Variants in TAOK3 observed in about 807,000 individuals in gnomAD.
The protein encoded by TAOK3 is TAO kinase 3.
TAOK3 carries 40 observed loss-of-function variants against 120.4 expected under a neutral mutation model. That is an observed-to-expected ratio of 0.33 (90% CI 0.26 to 0.43). The LOEUF (loss-of-function observed/expected upper bound fraction) is 0.43, where lower values mean the gene tolerates loss of function less well. Ranked by LOEUF, TAOK3 falls within the 20% of genes least tolerant of loss-of-function variation. The pLI is 1.00. For missense variants in TAOK3, 821 were observed against 1,112.1 expected (o/e 0.74, Z 3.72); for synonymous variants, 355 against 387.5 (o/e 0.92, Z 0.99).
chr12:118,313,722 C>T (rs1593506064), intron 1 of TAOK3, among the ~76,000 whole-genome samples: 1 of 152,064 alleles, frequency 6.6e-6, no homozygotes, highest in East Asian at 1.9e-4. Flanking sequence ...CTAAACTGTC[C>T]AGTAATCTAA....
Position 118,199,083 on chromosome 12 carries a change from T to C in TAOK3, c.1162A>G (p.Ile388Val), listed in dbSNP as rs1178825984. 1 of 1,614,182 alleles carries C rather than the reference T, an allele frequency of 6.2e-7. No homozygotes were observed. Among genetic ancestry groups the C allele is most frequent in the Non-Finnish European group, 8.5e-7 (1 of 1,180,028 alleles). ...TGCACGACGGAGGAGCTGGAATTGA[T>C]TGTGCTTTCGTCATCGTGCATCATG... ...LVMMHDDEST[I>V]NSSSSVVHKK... Residue 388 changes from isoleucine to valine, a missense_variant, in exon 13 of 21, where the codon ATC becomes GTC. Coordinates refer to ENST00000392533, the MANE Select transcript of TAOK3 (RefSeq NM_016281.4).
intron 1 of TAOK3, among the ~76,000 whole-genome samples, chr12:118,269,589 C>A (rs1397358810): frequency 6.6e-6 from 1 of 151,940 alleles, no homozygotes; most frequent in Non-Finnish European, 1.5e-5. Context: ...AGGCTGGTCT[C>A]AAACTCCTGA....
At chr12:118,222,464 C>T (rs969327808) in intron 9 of TAOK3, among the ~76,000 whole-genome samples, 3 of 150,636 alleles carry the variant, frequency 2.0e-5, no homozygotes, top group Non-Finnish European at 2.9e-5. Context: ...ACCCGGGAGG[C>T]GGTGGTTGCA....
At chr12:118,170,623 C>T (rs575777314) in intron 17 of TAOK3, among the ~76,000 whole-genome samples, 20 of 152,168 alleles carry the variant, frequency 1.3e-4, no homozygotes, top group African/African-American at 4.6e-4. Flanking sequence ...ATTAACCGGG[C>T]GTGGTGGTGT....
At chr12:118,317,548 C>T (rs1055998014) in intron 1 of TAOK3, among the ~76,000 whole-genome samples, 13 of 151,852 alleles carry the variant, frequency 8.6e-5, no homozygotes, top group African/African-American at 1.2e-4. Flanking sequence ...CCACCTGCCT[C>T]GGCCTCCCAA....
At chr12:118,301,707 T>C (rs540283476) in intron 1 of TAOK3, among the ~76,000 whole-genome samples, 3 of 152,112 alleles carry the variant, frequency 2.0e-5, no homozygotes, top group Admixed American at 6.6e-5. Flanking sequence ...CCAGGCATGG[T>C]AGCGCTTGCA....
intron 1 of TAOK3, among the ~76,000 whole-genome samples, chr12:118,304,322 T>C (rs1275180316): frequency 6.6e-6 from 1 of 152,192 alleles, no homozygotes; most frequent in African/African-American, 2.4e-5. Flanking sequence ...TAGTGATATT[T>C]CTCATACCAA....
chr12:118,296,941 C>T (rs2042703037), intron 1 of TAOK3: 1 of 152,150 alleles, frequency 6.6e-6, no homozygotes, highest in African/African-American at 2.4e-5. Context: ...CAAACAACTA[C>T]CTGATTTGAC....
At chr12:118,247,775 A>G (rs572561260) in intron 3 of TAOK3, among the ~76,000 whole-genome samples, 3 of 152,266 alleles carry the variant, frequency 2.0e-5, no homozygotes, top group African/African-American at 7.2e-5. Context: ...TCAGCCTCCC[A>G]AAGTACTGGA....
chr12:118,370,942 G>A (rs1455480258), intron 1 of TAOK3, among the ~76,000 whole-genome samples: 1 of 152,146 alleles, frequency 6.6e-6, no homozygotes, highest in Non-Finnish European at 1.5e-5. Context: ...CAGCTTTTAG[G>A]ATAAGAAATC....
chr12:118,227,379 A>C (rs1092854), intron 9 of TAOK3, among the ~76,000 whole-genome samples: 72,100 of 149,156 alleles, frequency 0.48, 17,896 homozygotes, highest in Non-Finnish European at 0.54. Context: ...GAATAAACCA[A>C]AATTTTACTT....
chr12:118,201,177 T>TA, intron 12 of TAOK3, 119 bp downstream of exon 12: 2 of 962,666 alleles, frequency 2.1e-6, no homozygotes, highest in Admixed American at 5.2e-5. Context: ...CCTTCATGTT[T>TA]CTTAAGGCGG....
intron 15 of TAOK3, 83 bp downstream of exon 15, chr12:118,181,288 T>G (rs946569054): frequency 1.1e-4 from 137 of 1,219,140 alleles, no homozygotes; most frequent in Non-Finnish European, 1.5e-4. Flanking sequence ...CATCCCCCAC[T>G]CCTGCCTCTT....
rs542214411 is a variant in TAOK3, at chr12:118,344,024, C to A, written c.-194+28624G>T. Reference sequence around the variant, plus strand: ...GAGACTGTCTAAAAAAAAAAAAAATCCACTAGAATTTATTTGTTCCAAGCT... The same window carrying A: ...GAGACTGTCTAAAAAAAAAAAAAATACACTAGAATTTATTTGTTCCAAGCT... On this transcript the variant is annotated intron_variant, in intron 1 of 20. Coordinates refer to ENST00000392533, the MANE Select transcript of TAOK3 (RefSeq NM_016281.4). Among the ~76,000 whole-genome samples, 5 of 150,238 alleles carry A rather than the reference C, an allele frequency of 3.3e-5. No individual in the cohort carries two copies. The East Asian group carries it at 9.8e-4, about 29-fold the overall frequency.
chr12:118,338,185 G>C (rs974193261), intron 1 of TAOK3, among the ~76,000 whole-genome samples: 3 of 152,136 alleles, frequency 2.0e-5, no homozygotes, highest in Non-Finnish European at 4.4e-5. Flanking sequence ...TGTGCTGGTG[G>C]GATGCGGGTG....
chr12:118,205,670 G>A (rs1308675872), intron 11 of TAOK3, among the ~76,000 whole-genome samples: 1 of 152,080 alleles, frequency 6.6e-6, no homozygotes, highest in African/African-American at 2.4e-5. Flanking sequence ...GAGTGCAGTG[G>A]TGCAATCTCA....
chr12:118,269,755 C>G (rs1217859742), intron 1 of TAOK3, among the ~76,000 whole-genome samples: 1 of 152,172 alleles, frequency 6.6e-6, no homozygotes, highest in Admixed American at 6.5e-5. Flanking sequence ...AATTATCTCT[C>G]TAAGACTTCT....
chr12:118,214,222 A>C, intron 9 of TAOK3, 112 bp from the exon 10 acceptor site: 1 of 744,984 alleles, frequency 1.3e-6, no homozygotes. Flanking sequence ...CATTACTGTC[A>C]TCATGCCACA....
At chr12:118,364,597 T>C (rs752053418) in intron 1 of TAOK3, among the ~76,000 whole-genome samples, 9 of 152,158 alleles carry the variant, frequency 5.9e-5, no homozygotes, top group Non-Finnish European at 1.3e-4. Context: ...ACACACAATA[T>C]GAAATTGTTT....
Sources: gnomAD v4.1 joint callset for allele counts (sites outside exome capture counted in the v4.1 genomes callset) on GRCh38, gnomAD v4.1.1 for gene constraint, MANE v1.5 for transcripts, NCBI Gene and HGNC (gene_info 2026-07-23, HGNC 2026-07-21) for gene names.